Variants in CCDC68 observed in about 807,000 individuals in gnomAD.
CCDC68 encodes the protein coiled-coil domain containing 68.
A neutral mutation model predicts 47.1 loss-of-function variants in CCDC68; 45 were observed. The observed-to-expected ratio is 0.96, with a 90% confidence interval of 0.75 to 1.23. The LOEUF is 1.23. Among genes scored for constraint, CCDC68 ranks in the 50% most tolerant of loss-of-function variants. The pLI, the probability that CCDC68 is intolerant of heterozygous loss-of-function variation, is 0.00. For missense variants in CCDC68, 353 were observed against 373.6 expected (o/e 0.94, Z 0.45); for synonymous variants, 131 against 129.5 (o/e 1.01, Z -0.08).
At chr18:54,906,129 G>A (rs78457173) in intron 11 of CCDC68, among the ~76,000 whole-genome samples, 5,086 of 151,946 alleles carry the variant, frequency 0.033, 170 homozygotes, top group African/African-American at 0.086. Context: ...GAATCACCCC[G>A]AAACTATCCT....
In CCDC68 at chr18:54,942,660, C is replaced by T. The variant is rs773214756; in HGVS notation, c.117+15G>A. The T allele has an allele frequency of 7.7e-6, 11 of 1,419,792 alleles. No individual in the cohort carries two copies. Among genetic ancestry groups the T allele is most frequent in the Non-Finnish European group, 3.0e-6 (3 of 1,016,536 alleles). The allele number at this position is 1,419,792 out of a possible 1,614,324, so 87.9% of individuals were successfully genotyped here. ...AAAAATCATATCATACTAATGATTT[C>T]TGCTACCCACATACCTTTTTCACAT... On this transcript the variant is annotated intron_variant, in intron 3 of 11. Coordinates refer to ENST00000591504, the MANE Select transcript of CCDC68 (RefSeq NM_025214.3).
At chr18:54,936,731 C>G in intron 6 of CCDC68, 102 bp downstream of exon 6, 1 of 1,424,336 alleles carries the variant, frequency 7.0e-7, no homozygotes, top group East Asian at 2.3e-5. Context: ...TGCCAAGTCA[C>G]TTGGCCATTG....
At chr18:54,916,275 A>G (rs1299384373) in intron 10 of CCDC68, among the ~76,000 whole-genome samples, 1 of 152,204 alleles carries the variant, frequency 6.6e-6, no homozygotes, top group Admixed American at 6.5e-5. Context: ...GCGAGGTTCA[A>G]TGAGGCCTAT....
In CCDC68 at chr18:54,903,975, A is replaced by G. The variant is rs532911765; in HGVS notation, c.*383T>C. The G allele has an allele frequency of 3.7e-5, 7 of 188,338 alleles. No homozygotes were observed. Among genetic ancestry groups the G allele is most frequent in the East Asian group, 1.5e-4 (1 of 6,528 alleles). The allele number at this position is 188,338 out of a possible 1,614,324, so 11.7% of individuals were successfully genotyped here. A position where few individuals can be genotyped will look rare whatever the true frequency, so the allele number is the denominator to read the frequency against. ...AGGAAATGTATGTTCATTCATACACATATACACTCTCCCTTCTATTTATAC... is the reference window on the plus strand; with the variant it reads ...AGGAAATGTATGTTCATTCATACACGTATACACTCTCCCTTCTATTTATAC... On this transcript the variant is annotated 3_prime_UTR_variant, in exon 12 of 12. Coordinates refer to ENST00000591504, the MANE Select transcript of CCDC68 (RefSeq NM_025214.3).
At chr18:54,946,919 T>C (rs1405188991) in intron 1 of CCDC68, among the ~76,000 whole-genome samples, 3 of 142,384 alleles carry the variant, frequency 2.1e-5, no homozygotes, top group Non-Finnish European at 4.6e-5. Context: ...ATATTATCAA[T>C]AGCCACAGAA....
chr18:54,941,086 A>G lies in CCDC68; in HGVS notation c.118-3T>C. On this transcript the variant is annotated splice_region_variant and splice_polypyrimidine_tract_variant and intron_variant, in intron 3 of 11. Transcript: ENST00000591504. ...ATCTTTTGCAGAGTAGTTCGAATCT[A>G]GAGAAGGAAAACAAAACCATTTGTT... is the stretch of plus-strand genomic sequence containing the variant. 6.2e-7 allele frequency: 1 copy of G among 1,606,424 alleles called. No homozygotes were observed. Among genetic ancestry groups the G allele is most frequent in the Non-Finnish European group, 8.5e-7 (1 of 1,175,038 alleles).
intron 7 of CCDC68, 82 bp from the exon 8 acceptor site, chr18:54,928,964 G>A (rs1175565135): frequency 1.3e-6 from 1 of 756,614 alleles, no homozygotes; most frequent in African/African-American, 1.7e-5. Context: ...CTATAACTAT[G>A]GCTTGAGCTA....
At chr18:54,915,910 C>T (rs1415375646) in intron 10 of CCDC68, among the ~76,000 whole-genome samples, 1 of 151,944 alleles carries the variant, frequency 6.6e-6, no homozygotes, top group Non-Finnish European at 1.5e-5. Flanking sequence ...GCCTAGGCGA[C>T]AGAGTGAGAT....
intron 8 of CCDC68, among the ~76,000 whole-genome samples, chr18:54,925,112 T>C (rs916601134): frequency 1.3e-5 from 2 of 152,166 alleles, no homozygotes; most frequent in African/African-American, 4.8e-5. Context: ...TCATGTGGAA[T>C]TGTGACTCAG....
chr18:54,937,899 C>T, intron 5 of CCDC68, 58 bp downstream of exon 5: 1 of 1,496,646 alleles, frequency 6.7e-7, no homozygotes, highest in Non-Finnish European at 9.1e-7. Flanking sequence ...ATGCTAACAA[C>T]CCATTCTATT....
chr18:54,917,835 GCACAGACACA>G, intron 10 of CCDC68, 68 bp downstream of exon 10: 1 of 679,428 alleles, frequency 1.5e-6, no homozygotes. Flanking sequence ...ACCCTCACGT[GCACAGACACA>G]CACACACACA....
chr18:54,942,899 T>G (rs899375045), intron 2 of CCDC68, 96 bp from the exon 3 acceptor site: 12 of 716,832 alleles, frequency 1.7e-5, no homozygotes, highest in Non-Finnish European at 2.7e-5. Context: ...ATCACTATAG[T>G]CAAATATAGC....
Position 54,928,847 on chromosome 18 carries a change from C to G in CCDC68, c.636G>C (p.Leu212Phe). 6.2e-7 allele frequency: 1 copy of G among 1,612,680 alleles called. No individual in the cohort carries two copies. The highest frequency in any genetic ancestry group is 8.5e-7 in the Non-Finnish European group (1 of 1,178,786). Residue 212 changes from leucine to phenylalanine, a missense_variant, in exon 8 of 12, where the codon TTG becomes TTC. By Grantham distance (22) the Leu-to-Phe change is conservative (BLOSUM62 0). Coordinates refer to ENST00000591504, the MANE Select transcript of CCDC68 (RefSeq NM_025214.3). Reference sequence around the variant, plus strand: ...ATTTGAGTTGCAGTAGCTTGTTTTCCAAAGACAGTTTTCTTTCTAGTAGTG... The same window carrying G: ...ATTTGAGTTGCAGTAGCTTGTTTTCGAAAGACAGTTTTCTTTCTAGTAGTG... ...KRTLLERKLS[L>F]ENKLLQLKSS...
intron 8 of CCDC68, among the ~76,000 whole-genome samples, chr18:54,927,768 T>C (rs778752345): frequency 1.5e-4 from 23 of 152,236 alleles, no homozygotes; most frequent in Non-Finnish European, 2.5e-4. Flanking sequence ...TCCTAGTATG[T>C]TTCAAATGTG....
intron 8 of CCDC68, 62 bp downstream of exon 8, chr18:54,928,738 G>T (rs539578402): frequency 2.3e-5 from 23 of 1,009,106 alleles, no homozygotes; most frequent in Admixed American, 3.6e-5. Context: ...TCCCTGGCTG[G>T]CATACCAGTG....
intron 7 of CCDC68, among the ~76,000 whole-genome samples, chr18:54,930,178 A>G (rs2044218046): frequency 6.6e-6 from 1 of 152,192 alleles, no homozygotes. Context: ...CAAAATGCCT[A>G]TAAATGGCTA....
chr18:54,930,488 C>T (rs1391081987), intron 7 of CCDC68, among the ~76,000 whole-genome samples: 1 of 152,044 alleles, frequency 6.6e-6, no homozygotes, highest in African/African-American at 2.4e-5. Context: ...TTAAAATTAG[C>T]TTTTTCAAAT....
At chr18:54,953,542 A>ATG (rs2044656723) in intron 1 of CCDC68, among the ~76,000 whole-genome samples, 1 of 130,008 alleles carries the variant, frequency 7.7e-6, no homozygotes, top group Non-Finnish European at 1.6e-5. Flanking sequence ...ACACACACAT[A>ATG]TATATATATA....
chr18:54,954,767 T>G (rs973354136), intron 1 of CCDC68: 3 of 152,160 alleles, frequency 2.0e-5, no homozygotes, highest in Non-Finnish European at 2.9e-5. Context: ...GTTTTAGAAT[T>G]TTAAAAATCC....
Sources: gnomAD v4.1 joint callset for allele counts (sites outside exome capture counted in the v4.1 genomes callset) on GRCh38, gnomAD v4.1.1 for gene constraint, MANE v1.5 for transcripts, NCBI Gene and HGNC (gene_info 2026-07-23, HGNC 2026-07-21) for gene names.